KAZN: variants seen among roughly 807,000 people sequenced by gnomAD.
KAZN encodes the protein kazrin, periplakin interacting protein.
In KAZN, 40 loss-of-function variants were observed where a neutral mutation model predicts 87.4. That is an observed-to-expected ratio of 0.46 (90% CI 0.36 to 0.60). The LOEUF (loss-of-function observed/expected upper bound fraction) is 0.60, where lower values mean the gene tolerates loss of function less well. Among genes scored for constraint, KAZN ranks in the 20% least tolerant of loss-of-function variants. The pLI is 0.00. For missense variants in KAZN, 898 were observed against 1,073.9 expected, an observed-to-expected ratio of 0.84 and a Z score of 2.29; for synonymous variants, 466 against 458.3, an observed-to-expected ratio of 1.02 and a Z score of -0.22.
chr1:14,339,559 C>G (rs1657528306), intron 2 of KAZN, among the ~76,000 whole-genome samples: 1 of 152,070 alleles, frequency 6.6e-6, no homozygotes, highest in Non-Finnish European at 1.5e-5. Context: ...CGTTTCTGTT[C>G]GAGCTCAAAA....
At chr1:14,699,215 C>T (rs941563588) in intron 1 of KAZN, among the ~76,000 whole-genome samples, 3 of 152,306 alleles carry the variant, frequency 2.0e-5, no homozygotes, top group Non-Finnish European at 4.4e-5. Context: ...GAGCTGTCCT[C>T]GTTGATAAAC....
intron 2 of KAZN, among the ~76,000 whole-genome samples, chr1:14,309,102 AT>A (rs1655116370): frequency 6.6e-6 from 1 of 152,116 alleles, no homozygotes; most frequent in Non-Finnish European, 1.5e-5. Context: ...TTGGGCATTT[AT>A]TTTTCCAAAT....
At chr1:14,003,671 T>C (rs1489313938) in intron 1 of KAZN, among the ~76,000 whole-genome samples, 6 of 152,188 alleles carry the variant, frequency 3.9e-5, no homozygotes, top group Non-Finnish European at 8.8e-5. Context: ...TAACTGGCTA[T>C]TTATATGAAA....
chr1:14,079,315 G>A (rs1195313941), intron 1 of KAZN, among the ~76,000 whole-genome samples: 1 of 152,212 alleles, frequency 6.6e-6, no homozygotes, highest in African/African-American at 2.4e-5. Context: ...ACATCAACAA[G>A]CTCTTTGAGG....
At chr1:14,705,341 C>T (rs1368869110) in intron 1 of KAZN, among the ~76,000 whole-genome samples, 1 of 152,180 alleles carries the variant, frequency 6.6e-6, no homozygotes, top group Non-Finnish European at 1.5e-5. Context: ...TGAATGTAAA[C>T]TAGTATAACT....
chr1:14,721,215 T>TA (rs1557915215), intron 1 of KAZN, among the ~76,000 whole-genome samples: 1 of 152,078 alleles, frequency 6.6e-6, no homozygotes, highest in Non-Finnish European at 1.5e-5. Flanking sequence ...CAATGGGAGG[T>TA]AATTGAATCA....
intron 1 of KAZN, among the ~76,000 whole-genome samples, chr1:14,777,056 A>C (rs1212720043): frequency 6.6e-6 from 1 of 152,052 alleles, no homozygotes; most frequent in Non-Finnish European, 1.5e-5. Flanking sequence ...GCTGGAGTGC[A>C]GCAGCGCAAT....
At chr1:14,786,159 C>T (rs1294416808) in intron 1 of KAZN, among the ~76,000 whole-genome samples, 1 of 152,200 alleles carries the variant, frequency 6.6e-6, no homozygotes, top group Non-Finnish European at 1.5e-5. Flanking sequence ...CAGATAAACT[C>T]TTACATAGCA....
chr1:14,728,796 C>G (rs1643540212), intron 1 of KAZN, among the ~76,000 whole-genome samples: 1 of 152,170 alleles, frequency 6.6e-6, no homozygotes, highest in Non-Finnish European at 1.5e-5. Flanking sequence ...TTTGTGAAGG[C>G]CTCCAGACCA....
intron 2 of KAZN, among the ~76,000 whole-genome samples, chr1:14,181,151 C>G (rs925447799): frequency 2.0e-5 from 3 of 152,172 alleles, no homozygotes; most frequent in African/African-American, 7.2e-5. Flanking sequence ...CTCCTTCTGG[C>G]TTTGTTGGTG....
At chr1:13,976,999 C>A (rs1256863460) in intron 1 of KAZN, among the ~76,000 whole-genome samples, 1 of 152,178 alleles carries the variant, frequency 6.6e-6, no homozygotes, top group East Asian at 1.9e-4. Context: ...AGAGACAATT[C>A]ATCCAAGGTT....
At chr1:15,091,512 G>C (rs1385423893) in intron 8 of KAZN, among the ~76,000 whole-genome samples, 1 of 152,046 alleles carries the variant, frequency 6.6e-6, no homozygotes, top group Non-Finnish European at 1.5e-5. Context: ...GCCCACGCCG[G>C]GATAATTTTT....
chr1:14,384,478 G>A (rs984910025), intron 2 of KAZN, among the ~76,000 whole-genome samples: 1 of 152,108 alleles, frequency 6.6e-6, no homozygotes, highest in Non-Finnish European at 1.5e-5. Flanking sequence ...TTACTATTTT[G>A]AAATACGTCC....
chr1:14,131,003 G>A (rs1260014632), intron 1 of KAZN, among the ~76,000 whole-genome samples: 2 of 152,174 alleles, frequency 1.3e-5, no homozygotes, highest in Non-Finnish European at 2.9e-5. Context: ...TCGGCTCCTG[G>A]TTTTGCAGGC....
At chr1:15,013,181 C>T (rs1284172456) in intron 2 of KAZN, among the ~76,000 whole-genome samples, 4 of 152,178 alleles carry the variant, frequency 2.6e-5, no homozygotes, top group East Asian at 1.9e-4. Context: ...CACCTGTACA[C>T]GCCTCCACTG....
Position 15,094,151 on chromosome 1 carries a change from C to T in KAZN, c.1223-29C>T, listed in dbSNP as rs754784532. 2 of 1,603,990 alleles carry T rather than the reference C, an allele frequency of 1.2e-6. No individual in the cohort carries two copies. Among genetic ancestry groups the T allele is most frequent in the African/African-American group, 2.7e-5 (2 of 74,854 alleles). The stretch of plus-strand genomic sequence containing the variant: ...CCCCTGCCCCCAGCAGCCTCGTCCC[C>T]CAGCATGGCCTGCACTTGTGTGTTG... On this transcript the variant is annotated intron_variant, in intron 8 of 14. Transcript: ENST00000376030. This position sits in a 1 kb window ranked among gnomAD's most constrained non-coding sequence, Gnocchi z 4.5.
At chr1:14,198,972 A>C (rs1227413442) in intron 2 of KAZN, among the ~76,000 whole-genome samples, 1 of 152,212 alleles carries the variant, frequency 6.6e-6, no homozygotes, top group African/African-American at 2.4e-5. Context: ...AGGGCTTTGC[A>C]CTGGAGTATT....
intron 2 of KAZN, among the ~76,000 whole-genome samples, chr1:14,384,375 G>A (rs930691670): frequency 1.3e-5 from 2 of 152,224 alleles, no homozygotes; most frequent in South Asian, 2.1e-4. Context: ...GGTGAGAGGG[G>A]GCATTCCTGT....
rs1483179239 is a variant in KAZN, at chr1:15,101,783, C to G, written c.1779+9C>G. On this transcript the variant is annotated intron_variant, in intron 11 of 14. Transcript: ENST00000376030. ...TGAACTTCAGCAGGGAGGTGAGGAC[C>G]AGGGCACAGGGTGGGGGCACCTTCC... 7 of 1,556,478 alleles carry G rather than the reference C, an allele frequency of 4.5e-6. No homozygotes were observed. Among genetic ancestry groups the G allele is most frequent in the Admixed American group, 1.9e-5 (1 of 52,546 alleles).
Sources: gnomAD v4.1 joint callset for allele counts (sites outside exome capture counted in the v4.1 genomes callset) on GRCh38, gnomAD v4.1.1 for gene constraint, Gnocchi (gnomAD v3.1) non-coding constraint, MANE v1.5 for transcripts, NCBI Gene and HGNC (gene_info 2026-07-23, HGNC 2026-07-21) for gene names.